URB1: variants seen among roughly 807,000 people sequenced by gnomAD.
URB1 encodes URB1 ribosome biogenesis factor.
Under a neutral mutation model 242.3 loss-of-function variants are expected in URB1, and 197 were observed. That is an observed-to-expected ratio of 0.81 (90% CI 0.72 to 0.91). URB1 has a LOEUF of 0.91. Ranked by LOEUF, URB1 falls within the 40% of genes least tolerant of loss-of-function variation. The pLI is 0.00. For missense variants in URB1, 2,721 were observed against 2,860.5 expected (o/e 0.95, Z 1.11); for synonymous variants, 1,153 against 1,201.8 (o/e 0.96, Z 0.84).
Position 32,346,936 on chromosome 21 carries a change from A to C in URB1, c.3868+20T>G. On this transcript the variant is annotated intron_variant, in intron 22 of 38. Coordinates refer to ENST00000382751, the MANE Select transcript of URB1 (RefSeq NM_014825.3). ...GTGCAACTTAAGACCCCAGCTGCCC[A>C]AAGCTAGCCTTTCCCTTACCTCCTG... 6.7e-7 allele frequency: 1 copy of C among 1,481,928 alleles called. No homozygotes were observed. The allele number at this position is 1,481,928 out of a possible 1,614,324, so 91.8% of individuals were successfully genotyped here. A position where few individuals can be genotyped will look rare whatever the true frequency, so the allele number is the denominator to read the frequency against.
intron 35 of URB1, 112 bp downstream of exon 35, chr21:32,320,418 AG>A (rs1261726579): frequency 1.3e-6 from 1 of 789,690 alleles, no homozygotes; most frequent in African/African-American, 1.7e-5. Flanking sequence ...CATTTCAGAG[AG>A]CATGGATTTT....
At chr21:32,334,468 A>G (rs896042103) in intron 28 of URB1, 134 bp from the exon 29 acceptor site, 26 of 1,042,022 alleles carry the variant, frequency 2.5e-5, no homozygotes, top group East Asian at 5.4e-5. Flanking sequence ...GCGACGTGTT[A>G]TATCACTCAA....
chr21:32,320,627 T>A lies in URB1; in HGVS notation c.5498A>T (p.Glu1833Val). The A allele has an allele frequency of 6.4e-7, 1 of 1,551,562 alleles. No individual in the cohort carries two copies. The highest frequency in any genetic ancestry group is 8.7e-7 in the Non-Finnish European group (1 of 1,146,892). Residue 1833 changes from glutamate (E) to valine (V), a missense_variant, in exon 35 of 39, where the codon GAA (glutamate) becomes GTA (valine). Coordinates refer to ENST00000382751, the MANE Select transcript of URB1 (RefSeq NM_014825.3). ...CDEAAQNWIL[E>V]ILQNAAQVAR... is the part of the protein sequence containing the mutation. The stretch of plus-strand genomic sequence containing the variant: ...AACCTGGGCAGCATTCTGTAGAATT[T>A]CCAGAATCCAATTCTGAAAACCCCA...
At chr21:32,316,378 T>A in intron 38 of URB1, 88 bp downstream of exon 38, 1 of 1,439,806 alleles carries the variant, frequency 6.9e-7, no homozygotes, top group Non-Finnish European at 9.1e-7. Flanking sequence ...AGCAGAAACC[T>A]GAGTGTTCTA....
chr21:32,317,655 G>T, intron 37 of URB1, 21 bp downstream of exon 37: 1 of 1,550,962 alleles, frequency 6.4e-7, no homozygotes, highest in Middle Eastern at 1.7e-4. Flanking sequence ...CTCTGGGCCA[G>T]TCCTGGGTTC....
intron 1 of URB1, among the ~76,000 whole-genome samples, chr21:32,389,440 C>T (rs149958175): frequency 4.1e-4 from 62 of 152,320 alleles, no homozygotes; most frequent in African/African-American, 1.3e-3. Context: ...GACTGCTGCA[C>T]ACAGCACGGG....
At chr21:32,328,020 T>C (rs761639447) in intron 30 of URB1, among the ~76,000 whole-genome samples, 1 of 152,230 alleles carries the variant, frequency 6.6e-6, no homozygotes, top group Non-Finnish European at 1.5e-5. Context: ...CCTAGGTACA[T>C]GCTGCCTTCA....
chr21:32,350,618 T>C (rs2033145701), intron 20 of URB1, 86 bp downstream of exon 20: 1 of 1,441,224 alleles, frequency 6.9e-7, no homozygotes. Flanking sequence ...AGCAAGAGTG[T>C]GCTGGGCTGT....
At chr21:32,365,107 T>A (rs915407349) in intron 10 of URB1, among the ~76,000 whole-genome samples, 1 of 152,138 alleles carries the variant, frequency 6.6e-6, no homozygotes, top group Admixed American at 6.5e-5. Flanking sequence ...TCTCCCAGAC[T>A]ACTAGGAGCA....
chr21:32,313,478 G>A lies in URB1; in HGVS notation c.*1440C>T, dbSNP rs540674533. On this transcript the variant is annotated 3_prime_UTR_variant, in exon 39 of 39. Transcript: ENST00000382751. ...TAGTCTCAAAGAATAGCGTTGTAAG[G>A]TTTATTTGGGTAGGGAAGGGGACAA... 4.6e-5 allele frequency: 7 copies of A among 152,340 alleles called. No individual in the cohort carries two copies. Among genetic ancestry groups the A allele is most frequent in the African/African-American group, 7.2e-5 (3 of 41,558 alleles). The allele number at this position is 152,340 out of a possible 1,614,324, so 9.4% of individuals were successfully genotyped here.
In URB1 at chr21:32,334,005, G is replaced by A. The variant is rs778002984; in HGVS notation, c.4857+158C>T. 5.9e-5 allele frequency among the ~76,000 whole-genome samples: 9 copies of A among 152,256 alleles called. No individual in the cohort carries two copies. The East Asian group carries it at 9.6e-4, about 16-fold the overall frequency. On this transcript the variant is annotated intron_variant, in intron 29 of 38. Transcript: ENST00000382751. Reference sequence around the variant, plus strand: ...GTGCAGATCATTGTTGCAGCTGGGCGGTGGGCTTATGAGGGTCTGGTCTCT... The same window carrying A: ...GTGCAGATCATTGTTGCAGCTGGGCAGTGGGCTTATGAGGGTCTGGTCTCT...
At position 32,347,570 on chromosome 21, in the gene URB1, T is replaced by C. The variant is rs2033106460; in HGVS notation, c.3254A>G (p.Lys1085Arg). ...YSEAITQSVL[K>R]ELQNRRAGPA... ...GCCCGCCCTCCTGTTCTGAAGTTCC[T>C]TCAGCACACTCTGGGTGATGGCCTC... Residue 1085 changes from lysine to arginine, a missense_variant, in exon 22 of 39, where the codon AAG becomes AGG. Transcript: ENST00000382751. 2 of 1,551,278 alleles carry C rather than the reference T, an allele frequency of 1.3e-6. No homozygotes were observed. Among genetic ancestry groups the C allele is most frequent in the South Asian group, 2.4e-5 (2 of 84,044 alleles).
intron 1 of URB1, 75 bp from the exon 2 acceptor site, chr21:32,385,759 GCTTTC>G (rs1252109718): frequency 6.6e-7 from 1 of 1,520,494 alleles, no homozygotes; most frequent in Non-Finnish European, 8.8e-7. Context: ...ACTGCAACCT[GCTTTC>G]CCTATTCTGT....
intron 15 of URB1, 94 bp downstream of exon 15, chr21:32,357,443 C>A: frequency 8.1e-7 from 1 of 1,235,108 alleles, no homozygotes; most frequent in Non-Finnish European, 1.0e-6. Context: ...ATTCCAATAC[C>A]TCCTGAATTC....
chr21:32,360,002 G>T, intron 13 of URB1, 94 bp from the exon 14 acceptor site: 1 of 1,153,254 alleles, frequency 8.7e-7, no homozygotes, highest in Non-Finnish European at 1.2e-6. Flanking sequence ...AACTCACCAT[G>T]GAGAAAGAAA....
chr21:32,367,197 G>A (rs2033355859), intron 9 of URB1, among the ~76,000 whole-genome samples: 1 of 152,162 alleles, frequency 6.6e-6, no homozygotes, highest in African/African-American at 2.4e-5. Flanking sequence ...ATTCACAGAT[G>A]ACAAAATTGG....
At position 32,350,757 on chromosome 21, in the gene URB1, C is replaced by A; in HGVS notation, c.2779G>T (p.Ala927Ser). The part of the protein sequence containing the change: ...PHLSMQQVLL[A>S]AKQVLLYLRS... ...AGGTAGAGCAACACCTGCTTGGCCG[C>A]GAGCAGGACCTGCTGCATGGACAGG... The change falls in exon 20 of 39, where the codon GCG becomes TCG. Residue 927 changes from alanine (A) to serine (S), a missense_variant. Ala to Ser is a moderately conservative substitution (Grantham distance 99). Coordinates refer to ENST00000382751, the MANE Select transcript of URB1 (RefSeq NM_014825.3). The A allele has an allele frequency of 3.2e-6, 5 of 1,551,502 alleles. No homozygotes were observed. In the South Asian group the frequency reaches 3.6e-5, roughly 11 times the overall value.
At chr21:32,355,603 GA>G in intron 15 of URB1, 38 bp from the exon 16 acceptor site, 1 of 1,490,370 alleles carries the variant, frequency 6.7e-7, no homozygotes, top group African/African-American at 1.4e-5. Flanking sequence ...AGTCAGAACA[GA>G]ACGCGCTTTC....
At chr21:32,348,625 G>C (rs2123581041) in intron 21 of URB1, among the ~76,000 whole-genome samples, 1 of 152,262 alleles carries the variant, frequency 6.6e-6, no homozygotes, top group African/African-American at 2.4e-5. Flanking sequence ...TTTATTCTTA[G>C]GGAAGGAAAG....
Sources: allele counts gnomAD v4.1 joint callset (sites outside exome capture counted in the v4.1 genomes callset), GRCh38; gene constraint gnomAD v4.1.1; transcripts MANE v1.5; gene names NCBI Gene and HGNC (gene_info 2026-07-23, HGNC 2026-07-21).